The following PLAAT1 variants were observed in gnomAD, a reference collection of about 807,000 sequenced individuals.
The protein encoded by PLAAT1 is H-REV107 protein-related protein.
In PLAAT1, 13 loss-of-function variants were observed where a neutral mutation model predicts 16.4. That is an observed-to-expected ratio of 0.79 (90% CI 0.52 to 1.26). PLAAT1 has a LOEUF of 1.26. PLAAT1 is among the 50% of genes most tolerant of loss of function. The pLI is 0.00. For missense variants in PLAAT1, 218 were observed against 207.8 expected, an observed-to-expected ratio of 1.05 and a Z score of -0.30; for synonymous variants, 73 against 78.4, an observed-to-expected ratio of 0.93 and a Z score of 0.36.
chr3:193,265,512 G>A (rs1716749668), intron 3 of PLAAT1, among the ~76,000 whole-genome samples: 1 of 152,164 alleles, frequency 6.6e-6, no homozygotes, highest in Non-Finnish European at 1.5e-5. Context: ...GACTGCTAAA[G>A]GGTAAGAGGT....
At chr3:193,274,867 A>G (rs1239820711), downstream of PLAAT1, 9 of 800,554 alleles carry the variant, frequency 1.1e-5, no homozygotes, top group Non-Finnish European at 1.8e-5. Context: ...TAAAGCATAC[A>G]GTCAGAATAA....
chr3:193,248,009 T>A (rs1384543849), intron 1 of PLAAT1, among the ~76,000 whole-genome samples: 1 of 152,228 alleles, frequency 6.6e-6, no homozygotes, highest in East Asian at 1.9e-4. Flanking sequence ...ATCTGTCCAA[T>A]GTTGAAAGCG....
At position 193,262,970 on chromosome 3, in the gene PLAAT1, A is replaced by G; in HGVS notation, c.140A>G (p.Asp47Gly). Residue 47 changes from aspartate to glycine, a missense_variant and splice_region_variant, in exon 3 of 4, where the codon GAT becomes GGT. By Grantham distance (94) the Asp-to-Gly change is moderately conservative. Coordinates refer to ENST00000264735, the MANE Select transcript of PLAAT1 (RefSeq NM_020386.5). ...DGYVINIAPVDGIPASFTSAK... is the reference protein window; with the variant it reads ...DGYVINIAPVGGIPASFTSAK... ...TACTAACCAGAATTCTACTTTATAG[A>G]TGGCATTCCTGCGTCCTTTACAAGC... 3 of 1,614,076 alleles carry G rather than the reference A, an allele frequency of 1.9e-6. No homozygotes were observed. Among genetic ancestry groups the G allele is most frequent in the East Asian group, 4.5e-5 (2 of 44,888 alleles).
At chr3:193,280,707 G>A (rs1047658180), downstream of PLAAT1, among the ~76,000 whole-genome samples, 6 of 152,024 alleles carry the variant, frequency 3.9e-5, no homozygotes, top group East Asian at 5.8e-4. Flanking sequence ...CTTTAGAGAC[G>A]GTACCTTAGA....
At chr3:193,275,212 T>G (rs775306817), downstream of PLAAT1, 25 of 1,614,074 alleles carry the variant, frequency 1.5e-5, no homozygotes, top group Admixed American at 5.0e-5. Context: ...TCTGCTAGCT[T>G]CTTTTGCCAA....
At chr3:193,258,501 A>G (rs150460142) in intron 2 of PLAAT1, among the ~76,000 whole-genome samples, 1 of 152,170 alleles carries the variant, frequency 6.6e-6, no homozygotes, top group East Asian at 1.9e-4. Flanking sequence ...TGATTGATAG[A>G]TTGCTATCTA....
Position 193,270,850 on chromosome 3 carries a change from A to G in PLAAT1, c.*145A>G. 1 of 1,334,574 alleles carries G rather than the reference A, an allele frequency of 7.5e-7. No individual in the cohort carries two copies. The allele number at this position is 1,334,574 out of a possible 1,614,324, so 82.7% of individuals were successfully genotyped here. A position where few individuals can be genotyped will look rare whatever the true frequency, so the allele number is the denominator to read the frequency against. On this transcript the variant is annotated 3_prime_UTR_variant, in exon 4 of 4. Coordinates refer to ENST00000264735, the MANE Select transcript of PLAAT1 (RefSeq NM_020386.5). ...CTTTAATAAATTGCTTACTGATATT[A>G]TCTTATCATTGAGCCAATGAAATTT...
intron 3 of PLAAT1, among the ~76,000 whole-genome samples, chr3:193,266,564 C>G (rs1716783168): frequency 6.6e-6 from 1 of 152,070 alleles, no homozygotes; most frequent in African/African-American, 2.4e-5. Flanking sequence ...TGTTCACAGA[C>G]CTCAGTGAGA....
At chr3:193,279,231 C>A (rs925810967), downstream of PLAAT1, 3 of 642,124 alleles carry the variant, frequency 4.7e-6, no homozygotes, top group African/African-American at 5.5e-5. Flanking sequence ...TCTTATTTGC[C>A]CTTCTAGTAT....
intron 2 of PLAAT1, among the ~76,000 whole-genome samples, chr3:193,256,534 T>A (rs981294711): frequency 1.3e-5 from 2 of 152,192 alleles, no homozygotes; most frequent in African/African-American, 4.8e-5. Context: ...CAAAAGCTAA[T>A]ACACCTTTTG....
intron 3 of PLAAT1, among the ~76,000 whole-genome samples, chr3:193,268,753 A>G (rs1349769834): frequency 6.6e-6 from 1 of 152,148 alleles, no homozygotes; most frequent in East Asian, 1.9e-4. Context: ...TGTCATCTCT[A>G]GGGATTTTGG....
At chr3:193,279,098 T>C (rs776466871), downstream of PLAAT1, among the ~76,000 whole-genome samples, 4 of 152,346 alleles carry the variant, frequency 2.6e-5, no homozygotes, top group South Asian at 4.1e-4. Context: ...AATTTTATTG[T>C]ATTGGTATAA....
intron 2 of PLAAT1, among the ~76,000 whole-genome samples, chr3:193,276,380 G>A (rs1035455204): frequency 2.2e-4 from 34 of 152,100 alleles, no homozygotes; most frequent in Admixed American, 5.2e-4. Flanking sequence ...GAAACCCTGC[G>A]GAAGGCAGTT....
downstream of PLAAT1, among the ~76,000 whole-genome samples, chr3:193,278,371 G>A (rs1717321778): frequency 6.6e-6 from 1 of 152,046 alleles, no homozygotes; most frequent in Non-Finnish European, 1.5e-5. Flanking sequence ...GTTGCCCTTG[G>A]CATAAAGTCT....
At chr3:193,264,278 C>T (rs9875909) in intron 3 of PLAAT1, among the ~76,000 whole-genome samples, 3,009 of 152,184 alleles carry the variant, frequency 0.02, 88 homozygotes, top group African/African-American at 0.069. Flanking sequence ...AGCAAAGCCT[C>T]GTGTTATTTA....
chr3:193,266,641 C>G (rs1278917730), intron 3 of PLAAT1, among the ~76,000 whole-genome samples: 1 of 152,096 alleles, frequency 6.6e-6, no homozygotes, highest in Non-Finnish European at 1.5e-5. Flanking sequence ...CTAATCAACA[C>G]AGATCGTTTG....
chr3:193,280,671 C>T (rs937443818), downstream of PLAAT1, among the ~76,000 whole-genome samples: 1 of 152,164 alleles, frequency 6.6e-6, no homozygotes, highest in African/African-American at 2.4e-5. Flanking sequence ...CTCACCCACT[C>T]CTCTGTCAGA....
intron 3 of PLAAT1, among the ~76,000 whole-genome samples, chr3:193,264,579 C>T (rs1451401779): frequency 6.6e-6 from 1 of 152,002 alleles, no homozygotes; most frequent in African/African-American, 2.4e-5. Context: ...TCTCAGCTCA[C>T]TGCAACCTCC....
At chr3:193,241,111 A>C (rs1177716762), upstream of PLAAT1, 40 of 804,448 alleles carry the variant, frequency 5.0e-5, no homozygotes, top group East Asian at 1.5e-3. Context: ...GAGAAGGTGC[A>C]GTTCCCCGGC....
Sources: allele counts gnomAD v4.1 joint callset (sites outside exome capture counted in the v4.1 genomes callset), GRCh38; gene constraint gnomAD v4.1.1; transcripts MANE v1.5; gene names NCBI Gene and HGNC (gene_info 2026-07-23, HGNC 2026-07-21).